The following BICRA variants were observed in gnomAD, a reference collection of about 807,000 sequenced individuals.
The protein encoded by BICRA is BRD4-interacting chromatin-remodeling complex-associated protein.
A neutral mutation model predicts 96.9 loss-of-function variants in BICRA; 31 were observed. That is an observed-to-expected ratio of 0.32 (90% CI 0.24 to 0.43). BICRA has a LOEUF of 0.43. Among genes scored for constraint, BICRA ranks in the 20% least tolerant of loss-of-function variants. BICRA has a pLI of 1.00. For synonymous variants in BICRA, 1,350 were observed against 1,071.8 expected, an observed-to-expected ratio of 1.26 and a Z score of -5.07; for missense variants, 2,283 against 2,190.3, an observed-to-expected ratio of 1.04 and a Z score of -0.84.
At chr19:47,689,900 A>G (rs1973215429) in intron 7 of BICRA, among the ~76,000 whole-genome samples, 1 of 152,226 alleles carries the variant, frequency 6.6e-6, no homozygotes, top group Admixed American at 6.5e-5. Context: ...GAAGAGCCAC[A>G]GTTCATTTCC....
Position 47,696,512 on chromosome 19 carries a change from G to C in BICRA, c.3248G>C (p.Cys1083Ser). 1 of 1,601,186 alleles carries C rather than the reference G, an allele frequency of 6.2e-7. No individual in the cohort carries two copies. Among genetic ancestry groups the C allele is most frequent in the African/African-American group, 1.3e-5 (1 of 74,722 alleles). Residue 1083 changes from cysteine to serine, a missense_variant and splice_region_variant, in exon 11 of 15, where the codon TGT becomes TCT. By Grantham distance (112) the Cys-to-Ser change is moderately radical (BLOSUM62 -1). Transcript: ENST00000594866. ...ACGCTTCAGCCCAGCAAGGAAGCCT[G>C]GTGAGTCCACACCCCATCCTTGCAT... ...PPTLQPSKEA[C>S]FLEHLHKHQG... is the part of the protein sequence containing the mutation.
At chr19:47,620,270 G>T (rs547182339) in intron 1 of BICRA, among the ~76,000 whole-genome samples, 1 of 152,246 alleles carries the variant, frequency 6.6e-6, no homozygotes, top group South Asian at 2.1e-4. Flanking sequence ...GTGCTCTGTA[G>T]ATGCTTGTTG....
chr19:47,693,702 G>A (rs948754502), intron 7 of BICRA, among the ~76,000 whole-genome samples: 10 of 152,140 alleles, frequency 6.6e-5, no homozygotes, highest in Admixed American at 2.0e-4. Context: ...TGTGCTCGCC[G>A]CCCGGCCCTC....
At chr19:47,635,514 A>G (rs1338198410) in intron 1 of BICRA, among the ~76,000 whole-genome samples, 1 of 152,000 alleles carries the variant, frequency 6.6e-6, no homozygotes, top group Non-Finnish European at 1.5e-5. Context: ...TGGCCTCCCA[A>G]AGTGCTGGGA....
rs1295343477 is a variant in BICRA at position 47,685,778 on chromosome 19, TGTGTGTGTGC to T, written c.2283+3628_2283+3637del. ...GTGTGTGTGTGTGTGTGTGTGTGTGTGTGTGTGTGCGCGCGCGCGCGCATGCGTACATTTT... is the reference window on the plus strand; with the variant it reads ...GTGTGTGTGTGTGTGTGTGTGTGTGTGCGCGCGCGCGCATGCGTACATTTT... On this transcript the variant is annotated intron_variant, in intron 7 of 14. Coordinates refer to ENST00000594866, the MANE Select transcript of BICRA (RefSeq NM_001394372.1). Among the ~76,000 whole-genome samples the T allele has an allele frequency of 1.1e-3, 139 of 131,726 alleles. 1 individual carries two copies. The highest frequency in any genetic ancestry group is 3.3e-3 in the African/African-American group (108 of 32,600). The allele number at this position is 131,726 out of a possible 152,430, so 86.4% of individuals were successfully genotyped here.
intron 7 of BICRA, among the ~76,000 whole-genome samples, chr19:47,688,053 GTGACACACCC>G (rs1461868188): frequency 6.6e-6 from 1 of 151,866 alleles, no homozygotes; most frequent in Non-Finnish European, 1.5e-5. Flanking sequence ...AGGCTGGAAA[GTGACACACCC>G]CCTGTGCTTT....
chr19:47,687,181 GTTA>G (rs1246096114), intron 7 of BICRA, among the ~76,000 whole-genome samples: 6 of 152,266 alleles, frequency 3.9e-5, no homozygotes, highest in Admixed American at 3.9e-4. Flanking sequence ...TATGGTCTCT[GTTA>G]TTATAGCACA....
At chr19:47,647,348 A>C (rs570419863) in intron 1 of BICRA, among the ~76,000 whole-genome samples, 5 of 152,112 alleles carry the variant, frequency 3.3e-5, no homozygotes, top group African/African-American at 1.2e-4. Context: ...GTGTTAACCT[A>C]CTGAGACCAG....
rs572583999 is a variant in BICRA at position 47,655,278 on chromosome 19, C to T, written c.-107-15165C>T. On this transcript the variant is annotated intron_variant, in intron 1 of 14. Transcript: ENST00000594866. ...TGGTGGCTCTCACCTGTAATCCCAGCACTTTGGGAGGCCGAAGCAGGTGGA... is the reference window on the plus strand; with the variant it reads ...TGGTGGCTCTCACCTGTAATCCCAGTACTTTGGGAGGCCGAAGCAGGTGGA... 8.5e-5 allele frequency among the ~76,000 whole-genome samples: 13 copies of T among 152,212 alleles called. No individual in the cohort carries two copies. The South Asian group carries it at 2.7e-3, about 32-fold the overall frequency.
chr19:47,655,612 G>C (rs1255757534), intron 1 of BICRA, among the ~76,000 whole-genome samples: 1 of 151,458 alleles, frequency 6.6e-6, no homozygotes, highest in Non-Finnish European at 1.5e-5. Context: ...CAGCACTTTG[G>C]GAGGCTGAGG....
intron 2 of BICRA, 139 bp from the exon 3 acceptor site, chr19:47,673,430 GT>G (rs938849812): frequency 1.4e-5 from 10 of 693,052 alleles, no homozygotes; most frequent in Admixed American, 9.5e-5. Flanking sequence ...GGTATTCCTT[GT>G]CCCCATCTAT....
Position 47,682,288 on chromosome 19 carries a change from C to T in BICRA, c.2283+136C>T, listed in dbSNP as rs188687451. 1,753 of 557,374 alleles carry T rather than the reference C, an allele frequency of 3.1e-3. 10 individuals carry two copies. Among genetic ancestry groups the T allele is most frequent in the Non-Finnish European group, 4.0e-3 (1,263 of 315,956 alleles). 34.5% of individuals were successfully genotyped at this position (557,374 alleles called of 1,614,324 possible). A position where few individuals can be genotyped will look rare whatever the true frequency, so the allele number is the denominator to read the frequency against. On this transcript the variant is annotated intron_variant, in intron 7 of 14. Coordinates refer to ENST00000594866, the MANE Select transcript of BICRA (RefSeq NM_001394372.1). The stretch of plus-strand genomic sequence containing the variant: ...TGGAACACAGAGCTCTCCTTCACCC[C>T]CCAAGTGTCTCCTAGTGATCATGGA...
intron 7 of BICRA, among the ~76,000 whole-genome samples, chr19:47,690,237 GGT>G (rs1257728410): frequency 6.6e-6 from 1 of 151,926 alleles, no homozygotes; most frequent in Non-Finnish European, 1.5e-5. Flanking sequence ...CCTGACCTCA[GGT>G]GATCCACCCG....
rs764339230 is a variant in BICRA at position 47,702,278 on chromosome 19, G to A, written c.4546G>A (p.Gly1516Ser). The part of the protein sequence containing the change: ...DSILNLQQAP[G>S]RTPAPSYPHA... ...CATCCTGAACCTGCAGCAGGCCCCC[G>A]GCCGGACGCCCGCGCCCTCGTACCC... The change falls in exon 15 of 15, where the codon GGC becomes AGC. Residue 1516 changes from glycine to serine, a missense_variant. Physicochemically the swap from Gly to Ser is moderately conservative, Grantham distance 56 (BLOSUM62 0). Transcript: ENST00000594866. 5.6e-6 allele frequency: 9 copies of A among 1,594,808 alleles called. No homozygotes were observed. In the African/African-American group the frequency reaches 1.1e-4, roughly 19 times the overall value.
rs1264748701 is a variant in BICRA at position 47,702,382 on chromosome 19, C to T, written c.4650C>T (p.Asn1550=). 1 of 1,516,976 alleles carries T rather than the reference C, an allele frequency of 6.6e-7. No individual in the cohort carries two copies. Among genetic ancestry groups the T allele is most frequent in the Non-Finnish European group, 8.7e-7 (1 of 1,144,514 alleles). The allele number at this position is 1,516,976 out of a possible 1,614,324, so 94.0% of individuals were successfully genotyped here. A position where few individuals can be genotyped will look rare whatever the true frequency, so the allele number is the denominator to read the frequency against. The change falls in exon 15 of 15, where the codon AAC becomes AAT. Residue 1550 remains asparagine, a synonymous_variant. Transcript: ENST00000594866. ...AGGCCTACCCACCCTCCAGTCACAA[C>T]GGTGGCCTCGGCGCCAGGACGTTGA... The part of the protein sequence containing the change: ...RPEAYPPSSH[N]GGLGARTLTR
intron 1 of BICRA, among the ~76,000 whole-genome samples, chr19:47,610,010 G>A (rs1971876281): frequency 6.6e-6 from 1 of 152,152 alleles, no homozygotes; most frequent in African/African-American, 2.4e-5. Flanking sequence ...GGTTCGGGGC[G>A]GCCCCCCATC....
In BICRA at chr19:47,695,366, C is replaced by A; in HGVS notation, c.3078C>A (p.Gly1026=). The change falls in exon 10 of 15, where the codon GGC becomes GGA. Residue 1026 remains glycine (G), a splice_region_variant and synonymous_variant. Coordinates refer to ENST00000594866, the MANE Select transcript of BICRA (RefSeq NM_001394372.1). ...APAPAPMAAT[G]LPPLLPAENK... is the part of the protein sequence containing the mutation. ...CTCCCCCACCCCACCCACCCCCAGG[C>A]CTCCCTCCTCTGCTTCCAGCCGAGA... is the stretch of plus-strand genomic sequence containing the variant. 7.8e-7 allele frequency: 1 copy of A among 1,287,356 alleles called. No homozygotes were observed. The highest frequency in any genetic ancestry group is 1.1e-6 in the Non-Finnish European group (1 of 923,124). 79.7% of individuals were successfully genotyped at this position (1,287,356 alleles called of 1,614,324 possible).
chr19:47,673,349 G>C (rs1442993668), intron 2 of BICRA, among the ~76,000 whole-genome samples: 1 of 152,132 alleles, frequency 6.6e-6, no homozygotes, highest in Non-Finnish European at 1.5e-5. Flanking sequence ...ATCAGGTGCT[G>C]GGAGAGTTGG....
At chr19:47,646,492 T>G (rs1384063804) in intron 1 of BICRA, among the ~76,000 whole-genome samples, 1 of 152,154 alleles carries the variant, frequency 6.6e-6, no homozygotes, top group African/African-American at 2.4e-5. Flanking sequence ...TAAGAACATT[T>G]CTCCCATGTG....
Sources: gnomAD v4.1 joint callset for allele counts (sites outside exome capture counted in the v4.1 genomes callset) on GRCh38, gnomAD v4.1.1 for gene constraint, MANE v1.5 for transcripts, NCBI Gene and HGNC (gene_info 2026-07-23, HGNC 2026-07-21) for gene names.